Variants in PLXNA4 observed in about 807,000 individuals in gnomAD.
PLXNA4 encodes the protein plexin-A4.
In PLXNA4, 44 loss-of-function variants were observed where a neutral mutation model predicts 191.8. The observed-to-expected ratio is 0.23, with a 90% CI of 0.18 to 0.29. The LOEUF is 0.29. Ranked by LOEUF, PLXNA4 falls within the 10% of genes least tolerant of loss-of-function variation. The probability of loss-of-function intolerance (pLI) is 1.00; values close to 1 mark genes in which losing one functional copy is unlikely to be tolerated. For missense variants in PLXNA4, 1,800 were observed against 2,488.8 expected, an observed-to-expected ratio of 0.72 and a Z score of 5.89; for synonymous variants, 1,082 against 1,009.5, an observed-to-expected ratio of 1.07 and a Z score of -1.36.
intron 2 of PLXNA4, among the ~76,000 whole-genome samples, chr7:132,592,602 C>T (rs375053825): frequency 1.3e-5 from 2 of 151,718 alleles, no homozygotes; most frequent in African/African-American, 4.8e-5. Flanking sequence ...ACGGGGTCCC[C>T]TTTAGCTCCC....
At chr7:132,585,086 C>T (rs975176891) in intron 2 of PLXNA4, among the ~76,000 whole-genome samples, 1 of 152,158 alleles carries the variant, frequency 6.6e-6, no homozygotes, top group Non-Finnish European at 1.5e-5. Context: ...GAGAATGAGA[C>T]TTCATCTCTC....
intron 4 of PLXNA4, among the ~76,000 whole-genome samples, chr7:132,261,799 A>G (rs905534705): frequency 1.6e-4 from 25 of 152,170 alleles, no homozygotes; most frequent in Middle Eastern, 3.2e-3. Context: ...ACATGGCTAG[A>G]TTTCAGCCCC....
chr7:132,563,109 T>C (rs1181800127), intron 1 of PLXNA4, among the ~76,000 whole-genome samples: 182 of 18,074 alleles, frequency 0.01, no homozygotes, highest in East Asian at 0.012. Flanking sequence ...CCTCCTCCTC[T>C]CCCTCCTCCT....
Position 132,234,589 on chromosome 7 carries a change from A to G in PLXNA4, c.1605-6120T>C, listed in dbSNP as rs886423636. Among the ~76,000 whole-genome samples the G allele has an allele frequency of 5.6e-5, 6 of 107,658 alleles. No individual in the cohort carries two copies. In the Middle Eastern group the frequency reaches 0.014, roughly 245 times the overall value. The allele number at this position is 107,658 out of a possible 152,430, so 70.6% of individuals were successfully genotyped here. A position where few individuals can be genotyped will look rare whatever the true frequency, so the allele number is the denominator to read the frequency against. On this transcript the variant is annotated intron_variant, in intron 5 of 31. Transcript: ENST00000321063. ...ACTTACCATTCTCTGGTCATGAAGCATGTGTTTTGTGTGTGTGTGTGTGTG... is the reference window on the plus strand; with the variant it reads ...ACTTACCATTCTCTGGTCATGAAGCGTGTGTTTTGTGTGTGTGTGTGTGTG...
chr7:132,466,789 C>A (rs1192349868), intron 3 of PLXNA4, among the ~76,000 whole-genome samples: 1 of 152,188 alleles, frequency 6.6e-6, no homozygotes, highest in Non-Finnish European at 1.5e-5. Context: ...TAATCACTTT[C>A]TAAGTTCTCC....
chr7:132,363,761 A>G (rs918658289), intron 3 of PLXNA4, among the ~76,000 whole-genome samples: 2 of 152,252 alleles, frequency 1.3e-5, no homozygotes, highest in South Asian at 4.1e-4. Flanking sequence ...TTGAGGAACC[A>G]TCATACTGCC....
chr7:132,429,423 G>A (rs1795179094), intron 3 of PLXNA4, among the ~76,000 whole-genome samples: 1 of 152,076 alleles, frequency 6.6e-6, no homozygotes, highest in African/African-American at 2.4e-5. Context: ...TAAGTTTTAT[G>A]GGCCATGCAA....
chr7:132,516,717 G>T (rs1798956149), intron 1 of PLXNA4, among the ~76,000 whole-genome samples: 1 of 152,136 alleles, frequency 6.6e-6, no homozygotes, highest in Non-Finnish European at 1.5e-5. Flanking sequence ...TAGCACTTTG[G>T]AAGGCCGAGG....
chr7:132,263,440 T>G (rs1178137071), intron 4 of PLXNA4, among the ~76,000 whole-genome samples: 1 of 152,218 alleles, frequency 6.6e-6, no homozygotes, highest in Non-Finnish European at 1.5e-5. Context: ...GAGACATGCC[T>G]GGGCTGAGTT....
At position 132,584,495 on chromosome 7, in the gene PLXNA4, G is replaced by A. The variant is rs149816833; in HGVS notation, c.-87+61433C>T. ...GAAATTCTATTTTCATTTCCTCAAA[G>A]CACTGCACTAAAATTACCATACATC... On this transcript the variant is annotated intron_variant, in intron 2 of 4. Coordinates refer to the PLXNA4 transcript ENST00000378539. 2.5e-4 allele frequency among the ~76,000 whole-genome samples: 38 copies of A among 152,256 alleles called. 1 individual carries two copies. The East Asian group carries it at 6.7e-3, about 27-fold the overall frequency.
chr7:132,315,813 T>C (rs1801922581), intron 3 of PLXNA4, among the ~76,000 whole-genome samples: 2 of 152,294 alleles, frequency 1.3e-5, no homozygotes. Context: ...CTAGGCAGGC[T>C]GGCATGAGCA....
intron 3 of PLXNA4, among the ~76,000 whole-genome samples, chr7:132,350,721 C>T (rs1212361127): frequency 1.3e-5 from 2 of 152,156 alleles, no homozygotes; most frequent in East Asian, 3.9e-4. Flanking sequence ...CTTTGGAAAA[C>T]AGCCTGGCAC....
At chr7:132,313,675 A>G (rs1801835006) in intron 3 of PLXNA4, among the ~76,000 whole-genome samples, 2 of 152,092 alleles carry the variant, frequency 1.3e-5, no homozygotes, top group Admixed American at 1.3e-4. Flanking sequence ...TTGGACATTC[A>G]GGACTGAATG....
At chr7:132,146,822 G>T in intron 27 of PLXNA4, 122 bp from the exon 28 acceptor site, 1 of 1,511,840 alleles carries the variant, frequency 6.6e-7, no homozygotes. Context: ...GCCATTGGTC[G>T]GTGCTGTCAC....
At chr7:132,384,828 G>A in intron 3 of PLXNA4, 1 of 1,148,432 alleles carries the variant, frequency 8.7e-7, no homozygotes, top group Non-Finnish European at 1.1e-6. Flanking sequence ...GGACAGATGA[G>A]CATAAGGTTA....
chr7:132,221,818 G>T (rs375615467), intron 9 of PLXNA4, among the ~76,000 whole-genome samples: 3 of 152,178 alleles, frequency 2.0e-5, no homozygotes, highest in East Asian at 3.8e-4. Context: ...CCCACAGAGA[G>T]GGAGTTGGTT....
chr7:132,525,186 C>A (rs1799351266), intron 1 of PLXNA4, among the ~76,000 whole-genome samples: 1 of 152,196 alleles, frequency 6.6e-6, no homozygotes, highest in African/African-American at 2.4e-5. Flanking sequence ...TTGTGTCTAG[C>A]TGCTTTCACC....
At chr7:132,551,226 T>C (rs1800547110) in intron 1 of PLXNA4, among the ~76,000 whole-genome samples, 1 of 152,116 alleles carries the variant, frequency 6.6e-6, no homozygotes, top group African/African-American at 2.4e-5. Flanking sequence ...TCTTCACACA[T>C]TTTCTCTTCC....
intron 3 of PLXNA4, among the ~76,000 whole-genome samples, chr7:132,403,703 C>A (rs771294640): frequency 6.6e-6 from 1 of 152,114 alleles, no homozygotes; most frequent in Non-Finnish European, 1.5e-5. Flanking sequence ...AATCTGCCTG[C>A]GGACTCCAAA....
Sources: gnomAD v4.1 joint callset for allele counts (sites outside exome capture counted in the v4.1 genomes callset) on GRCh38, gnomAD v4.1.1 for gene constraint, MANE v1.5 for transcripts, NCBI Gene and HGNC (gene_info 2026-07-23, HGNC 2026-07-21) for gene names.